Variants in SAMD12 observed in about 807,000 individuals in gnomAD.
SAMD12 encodes sterile alpha motif domain containing 12, also known as sterile alpha motif domain-containing protein 12.
SAMD12 carries 9 observed loss-of-function variants against 15.0 expected under a neutral mutation model. The ratio of observed to expected loss-of-function variants is 0.60; its 90% CI spans 0.36 to 1.05. The LOEUF (loss-of-function observed/expected upper bound fraction) is 1.05. Ranked by LOEUF, SAMD12 falls within the 50% of genes least tolerant of loss-of-function variation. The probability of loss-of-function intolerance (pLI) is 0.01; values close to 1 mark genes in which losing one functional copy is unlikely to be tolerated. For missense variants in SAMD12, 230 were observed against 234.2 expected, an observed-to-expected ratio of 0.98 and a Z score of 0.12; for synonymous variants, 86 against 90.1, an observed-to-expected ratio of 0.96 and a Z score of 0.25.
chr8:118,594,380 A>G (rs891447171), intron 1 of SAMD12, among the ~76,000 whole-genome samples: 3 of 152,156 alleles, frequency 2.0e-5, no homozygotes, highest in African/African-American at 7.2e-5. Flanking sequence ...GTGTGTATGT[A>G]TCTGTGCACA....
At chr8:118,252,148 C>T (rs888795498) in intron 4 of SAMD12, among the ~76,000 whole-genome samples, 67 of 152,290 alleles carry the variant, frequency 4.4e-4, no homozygotes, top group African/African-American at 1.5e-3. Context: ...CTGTGTTCTG[C>T]AGTTTAGCTC....
intron 3 of SAMD12, among the ~76,000 whole-genome samples, chr8:118,419,562 A>C (rs1423332131): frequency 6.6e-6 from 1 of 152,206 alleles, no homozygotes; most frequent in African/African-American, 2.4e-5. Context: ...ACCGTTTTTC[A>C]GCCCCAGCCA....
chr8:118,235,752 C>T (rs1812416027), intron 4 of SAMD12, among the ~76,000 whole-genome samples: 1 of 152,120 alleles, frequency 6.6e-6, no homozygotes, highest in African/African-American at 2.4e-5. Flanking sequence ...TGATTAGTGT[C>T]ATGACAGTCC....
intron 4 of SAMD12, among the ~76,000 whole-genome samples, chr8:118,250,219 G>C (rs1586385240): frequency 6.6e-6 from 1 of 152,102 alleles, no homozygotes; most frequent in East Asian, 1.9e-4. Context: ...CCATGGAATA[G>C]AGATAAGACG....
the SAMD12 span, among the ~76,000 whole-genome samples, chr8:118,165,521 G>C: frequency 6.7e-6 from 1 of 149,986 alleles, no homozygotes; most frequent in Non-Finnish European, 1.5e-5. Context: ...CTCCTAAAAT[G>C]CTGGTATTAC....
At chr8:118,313,832 T>C (rs1244149228) in intron 4 of SAMD12, among the ~76,000 whole-genome samples, 2 of 152,070 alleles carry the variant, frequency 1.3e-5, no homozygotes, top group South Asian at 2.1e-4. Context: ...TCATTTCTGA[T>C]AGAAATTTGG....
chr8:118,354,627 C>T (rs868701493), intron 4 of SAMD12, among the ~76,000 whole-genome samples: 24 of 152,214 alleles, frequency 1.6e-4, no homozygotes, highest in African/African-American at 5.8e-4. Flanking sequence ...CCTAGTCACA[C>T]TGACCACAAC....
intron 3 of SAMD12, among the ~76,000 whole-genome samples, chr8:118,382,268 T>C (rs1201435664): frequency 6.6e-6 from 1 of 152,242 alleles, no homozygotes; most frequent in Non-Finnish European, 1.5e-5. Flanking sequence ...TCACAAGCTG[T>C]GGCATTTCCT....
At chr8:118,572,575 A>G (rs531053419) in intron 2 of SAMD12, among the ~76,000 whole-genome samples, 2 of 151,954 alleles carry the variant, frequency 1.3e-5, no homozygotes, top group Admixed American at 1.3e-4. Context: ...ATGACAGAGA[A>G]TAAGTCTCAC....
chr8:118,240,876 T>C (rs1017859149), intron 4 of SAMD12, among the ~76,000 whole-genome samples: 2 of 152,094 alleles, frequency 1.3e-5, no homozygotes, highest in Admixed American at 6.6e-5. Context: ...TGAGCTTTTT[T>C]CTCCTTGTCC....
exon 5 of SAMD12, chr8:118,196,419 T>C (rs1222800135): frequency 6.6e-6 from 1 of 152,076 alleles, no homozygotes; most frequent in African/African-American, 2.4e-5. Flanking sequence ...CAAGTCAATA[T>C]GAACATGTCT....
At chr8:118,529,657 G>T (rs1001077308) in intron 2 of SAMD12, among the ~76,000 whole-genome samples, 7 of 152,022 alleles carry the variant, frequency 4.6e-5, no homozygotes, top group Admixed American at 2.6e-4. Context: ...TTTTGACTTT[G>T]TTTCTCAGTT....
intron 2 of SAMD12, among the ~76,000 whole-genome samples, chr8:118,468,709 A>G (rs1453643088): frequency 2.6e-5 from 4 of 151,886 alleles, no homozygotes; most frequent in Admixed American, 2.6e-4. Context: ...CTCTGTTACA[A>G]CTTGATCACT....
At chr8:118,306,980 G>T (rs1479224704) in intron 4 of SAMD12, among the ~76,000 whole-genome samples, 1 of 152,128 alleles carries the variant, frequency 6.6e-6, no homozygotes, top group African/African-American at 2.4e-5. Context: ...GGTAAGATCT[G>T]GCCACTGACC....
chr8:118,487,249 C>T (rs1241268073), intron 2 of SAMD12, among the ~76,000 whole-genome samples: 1 of 152,078 alleles, frequency 6.6e-6, no homozygotes, highest in Non-Finnish European at 1.5e-5. Flanking sequence ...CAATTTTATA[C>T]AATTGTGTAT....
chr8:118,275,651 A>G (rs1304957017), intron 4 of SAMD12, among the ~76,000 whole-genome samples: 1 of 152,214 alleles, frequency 6.6e-6, no homozygotes, highest in African/African-American at 2.4e-5. Context: ...AAATGATCTC[A>G]TTACCCAGGT....
At chr8:118,553,106 C>G (rs1312110744) in intron 2 of SAMD12, among the ~76,000 whole-genome samples, 1 of 151,490 alleles carries the variant, frequency 6.6e-6, no homozygotes, top group Non-Finnish European at 1.5e-5. Context: ...GCCATACTGC[C>G]CAAGGTAATT....
intron 1 of SAMD12, among the ~76,000 whole-genome samples, chr8:118,583,833 T>C (rs1260665469): frequency 6.6e-6 from 1 of 152,192 alleles, no homozygotes. Context: ...TTCCTCACAG[T>C]ACTAAGAATG....
At chr8:118,461,575 T>C (rs998404252) in intron 2 of SAMD12, among the ~76,000 whole-genome samples, 3 of 152,090 alleles carry the variant, frequency 2.0e-5, no homozygotes, top group Admixed American at 2.0e-4. Flanking sequence ...ATTTTACGTA[T>C]GTACATACGT....
Sources: allele counts gnomAD v4.1 joint callset (sites outside exome capture counted in the v4.1 genomes callset), GRCh38; gene constraint gnomAD v4.1.1; transcripts MANE v1.5; gene names NCBI Gene and HGNC (gene_info 2026-07-23, HGNC 2026-07-21).